Variants in TMC4 observed in about 807,000 individuals in gnomAD.
TMC4 encodes transmembrane channel like 4, also known as voltage-gated chloride channel TMC4.
TMC4 carries 70 observed loss-of-function variants against 82.0 expected under a neutral mutation model. The ratio of observed to expected loss-of-function variants is 0.85; its 90% confidence interval spans 0.70 to 1.04. The LOEUF is 1.04. Ranked by LOEUF, TMC4 falls within the 50% of genes least tolerant of loss-of-function variation. The probability of loss-of-function intolerance (pLI) is 0.00; values close to 1 mark genes in which losing one functional copy is unlikely to be tolerated. For synonymous variants in TMC4, 446 were observed against 406.0 expected (o/e 1.10, Z -1.18); for missense variants, 879 against 899.0 (o/e 0.98, Z 0.28).
Position 54,162,758 on chromosome 19 carries a change from C to T in TMC4, c.1417G>A (p.Val473Ile), listed in dbSNP as rs112014947. 2 of 1,614,012 alleles carry T rather than the reference C, an allele frequency of 1.2e-6. No homozygotes were observed. Among genetic ancestry groups the T allele is most frequent in the Non-Finnish European group, 1.7e-6 (2 of 1,179,934 alleles). ...NYKQLPCWETVLGQEMYKLLL... is the reference protein window; with the variant it reads ...NYKQLPCWETILGQEMYKLLL... ...AGTTTGTACATTTCCTGGCCCAGGA[C>T]AGTCTCCCAGCACTGAAGAAGGAAG... Residue 473 changes from valine (V) to isoleucine (I), a missense_variant, in exon 10 of 15, where the codon GTC becomes ATC. Physicochemically the swap from Val to Ile is conservative, Grantham distance 29. Coordinates refer to ENST00000619895, the MANE Select transcript of TMC4 (RefSeq NM_144686.4).
chr19:54,160,801 C>T, intron 13 of TMC4, 77 bp downstream of exon 13: 1 of 1,557,446 alleles, frequency 6.4e-7, no homozygotes, highest in Non-Finnish European at 8.7e-7. Flanking sequence ...GCCCAAGCCT[C>T]TCCTCTCTTG....
Position 54,162,594 on chromosome 19 carries a change from G to GCGCGGT in TMC4, c.1502+73_1502+78dup, listed in dbSNP as rs1477998655. The GCGCGGT allele has an allele frequency of 5.2e-6, 6 of 1,156,122 alleles. No homozygotes were observed. In the African/African-American group the frequency reaches 7.6e-5, roughly 15 times the overall value. The allele number at this position is 1,156,122 out of a possible 1,614,324, so 71.6% of individuals were successfully genotyped here. On this transcript the variant is annotated intron_variant, in intron 10 of 14. Coordinates refer to ENST00000619895, the MANE Select transcript of TMC4 (RefSeq NM_144686.4). ...GCAGAGGCGGGAATGGTAAAAAGGTGCGCGGTGAAAAGAACAGCGCGATGG... is the reference window on the plus strand; with the variant it reads ...GCAGAGGCGGGAATGGTAAAAAGGTGCGCGGTCGCGGTGAAAAGAACAGCGCGATGG...
At chr19:54,168,722 A>G (rs1600579873) in intron 3 of TMC4, 42 bp from the exon 4 acceptor site, 1 of 1,372,740 alleles carries the variant, frequency 7.3e-7, no homozygotes. Context: ...CCTTCCCGGG[A>G]GCAGGACCAG....
rs66823569 is a variant in TMC4 at position 54,163,977 on chromosome 19, CTTTT to C, written c.1114-94_1114-91del. On this transcript the variant is annotated intron_variant, in intron 7 of 14. Transcript: ENST00000619895. Reference sequence around the variant, plus strand: ...CCCCCGGCCTCTTCTTCTTCTTCTTCTTTTTTTTTTTTTTTGAGACAGAGTCTCG... The same window carrying C: ...CCCCCGGCCTCTTCTTCTTCTTCTTCTTTTTTTTTTTGAGACAGAGTCTCG... 2,803 of 1,019,670 alleles carry C rather than the reference CTTTT, an allele frequency of 2.7e-3. 29 individuals carry two copies. The African/African-American group carries it at 0.036, about 13-fold the overall frequency. 63.2% of individuals were successfully genotyped at this position (1,019,670 alleles called of 1,614,324 possible).
At position 54,163,796 on chromosome 19, in the gene TMC4, G is replaced by A. The variant is rs866030128; in HGVS notation, c.1205C>T (p.Pro402Leu). 24 of 1,613,944 alleles carry A rather than the reference G, an allele frequency of 1.5e-5. No individual in the cohort carries two copies. The East Asian group carries it at 5.1e-4, about 34-fold the overall frequency. The change falls in exon 8 of 15, where the codon CCG (proline) becomes CTG (leucine). Residue 402 changes from proline to leucine, a missense_variant. Pro to Leu is a moderately conservative substitution (Grantham distance 98, BLOSUM62 -3). Transcript: ENST00000619895. Reference protein sequence around the residue: ...IFIAGVNFVLPPVFKLIAPLE... With the variant: ...IFIAGVNFVLLPVFKLIAPLE... ...TGGAGCAATGAGCTTGAACACGGGC[G>A]GCAGCACAAAATTGACCCCAGCGAT...
At position 54,165,070 on chromosome 19, in the gene TMC4, C is replaced by CTT. The variant is rs34861271; in HGVS notation, c.945+347_945+348dup. The stretch of plus-strand genomic sequence containing the variant: ...TTGTGCTTACTTAAAAAAAAACAAA[C>CTT]TTTTTTTTTTTTTTTTTGGTAGAGA... On this transcript the variant is annotated intron_variant, in intron 6 of 14. Coordinates refer to ENST00000619895, the MANE Select transcript of TMC4 (RefSeq NM_144686.4). 6.1e-4 allele frequency among the ~76,000 whole-genome samples: 83 copies of CTT among 136,040 alleles called. 1 individual carries two copies. Among genetic ancestry groups the CTT allele is most frequent in the Non-Finnish European group, 8.0e-4 (51 of 63,956 alleles). The allele number at this position is 136,040 out of a possible 152,430, so 89.2% of individuals were successfully genotyped here.
rs1167711728 is a variant in TMC4, at chr19:54,162,192, C to T, written c.1596G>A (p.Ala532=). The T allele has an allele frequency of 1.9e-6, 3 of 1,613,436 alleles. No homozygotes were observed. The highest frequency in any genetic ancestry group is 1.7e-5 in the Admixed American group (1 of 59,916). The stretch of plus-strand genomic sequence containing the variant: ...AACTCCCCACCCAGACCACCGTCTG[C>T]GCGTAGATGAGCCCCAGCACCTCGT... The part of the protein sequence containing the change: ...VPDEVLGLIY[A]QTVVWVGSFF... Residue 532 remains alanine, a synonymous_variant, in exon 11 of 15, where the codon GCG becomes GCA. Transcript: ENST00000619895.
At chr19:54,162,989 C>G in intron 9 of TMC4, 44 bp downstream of exon 9, 1 of 1,613,948 alleles carries the variant, frequency 6.2e-7, no homozygotes, top group Non-Finnish European at 8.5e-7. Flanking sequence ...TCCATCTTTC[C>G]TTCAGGGACC....
In TMC4 at chr19:54,168,676, C is replaced by G. The variant is rs752551900; in HGVS notation, c.447G>C (p.Gln149His). The G allele has an allele frequency of 2.0e-5, 31 of 1,532,622 alleles. 2 individuals carry two copies. The South Asian group carries it at 3.5e-4, about 17-fold the overall frequency. 94.9% of individuals were successfully genotyped at this position (1,532,622 alleles called of 1,614,324 possible). Residue 149 changes from glutamine to histidine, a missense_variant, in exon 4 of 15, where the codon CAG (glutamine) becomes CAC (histidine). Physicochemically the swap from Gln to His is conservative, Grantham distance 24 (BLOSUM62 0). Transcript: ENST00000619895. ...WAWTLKRIGG[Q>H]FGAGTESYFS... ...AGTAGGACTCCGTGCCGGCGCCAAA[C>G]TGGCCTGCAGGGGGCAGCAGAGAGA...
intron 3 of TMC4, among the ~76,000 whole-genome samples, chr19:54,169,039 C>CT (rs1364229317): frequency 0.61 from 3,932 of 6,484 alleles, 1,582 homozygotes; most frequent in East Asian, 0.76. Context: ...CTTTTCTTTT[C>CT]TTTTTTTTTT....
rs1555824617 is a variant in TMC4 at position 54,168,789 on chromosome 19, T to TTTTC, written c.443-113_443-110dup. 3.3e-5 allele frequency: 9 copies of TTTTC among 275,708 alleles called. 3 individuals carry two copies. Among genetic ancestry groups the TTTTC allele is most frequent in the Middle Eastern group, 8.2e-4 (1 of 1,216 alleles). 17.1% of individuals were successfully genotyped at this position (275,708 alleles called of 1,614,324 possible). A position where few individuals can be genotyped will look rare whatever the true frequency, so the allele number is the denominator to read the frequency against. Reference sequence around the variant, plus strand: ...CGCCTTCCTTTCTTTCTTTCTTTTCTTTTCTTTCTTTTCTTTTCTTTTCTT... The same window carrying TTTTC: ...CGCCTTCCTTTCTTTCTTTCTTTTCTTTTCTTTCTTTCTTTTCTTTTCTTTTCTT... On this transcript the variant is annotated intron_variant, in intron 3 of 14. Coordinates refer to ENST00000619895, the MANE Select transcript of TMC4 (RefSeq NM_144686.4).
intron 2 of TMC4, among the ~76,000 whole-genome samples, chr19:54,170,092 T>A (rs2075848047): frequency 6.6e-6 from 1 of 151,078 alleles, no homozygotes; most frequent in South Asian, 2.1e-4. Flanking sequence ...CGGAGTGAGA[T>A]TCCAAGAAAG....
At position 54,160,420 on chromosome 19, in the gene TMC4, C is replaced by T. The variant is rs775905209; in HGVS notation, c.2053-46G>A. The T allele has an allele frequency of 3.7e-6, 6 of 1,601,652 alleles. No individual in the cohort carries two copies. In the Admixed American group the frequency reaches 1.0e-4, roughly 27 times the overall value. The stretch of plus-strand genomic sequence containing the variant: ...GGTGAGACAATCCTCTTCCCCAACC[C>T]CTTTCCATGTTCCCCAGGGGCCCTC... On this transcript the variant is annotated intron_variant, in intron 14 of 14. Transcript: ENST00000619895.
Position 54,168,912 on chromosome 19 carries a change from T to TTCC in TMC4, c.443-233_443-232insGGA, listed in dbSNP as rs2075800319. On this transcript the variant is annotated intron_variant, in intron 3 of 14. Coordinates refer to ENST00000619895, the MANE Select transcript of TMC4 (RefSeq NM_144686.4). ...CTTTCTTTCCTTTCTTTCTTCTTTC[T>TTCC]TTCCTTCCTTCCTTCCTTCCTTCCT... Among the ~76,000 whole-genome samples, 3 of 11,480 alleles carry TTCC rather than the reference T, an allele frequency of 2.6e-4. 1 individual carries two copies. The highest frequency in any genetic ancestry group is 4.4e-4 in the Non-Finnish European group (3 of 6,832). 7.5% of individuals were successfully genotyped at this position (11,480 alleles called of 152,430 possible). A position where few individuals can be genotyped will look rare whatever the true frequency, so the allele number is the denominator to read the frequency against.
rs765205776 is a variant in TMC4, at chr19:54,171,999, G to A, written c.164C>T (p.Ala55Val). 22 of 1,612,698 alleles carry A rather than the reference G, an allele frequency of 1.4e-5. No individual in the cohort carries two copies. Among genetic ancestry groups the A allele is most frequent in the Admixed American group, 1.7e-5 (1 of 59,870 alleles). The change falls in exon 2 of 15, where the codon GCG becomes GTG. Residue 55 changes from alanine (A) to valine (V), a missense_variant. Physicochemically the swap from Ala to Val is moderately conservative, Grantham distance 64. Transcript: ENST00000619895. ...TCCATCCTCCTCCTCCTCCTCCAGC[G>A]CCCCCCAAGGCAGCACCCCAGGGTC... is the stretch of plus-strand genomic sequence containing the variant. ...YRDPGVLPWGALEEEEEDGGR... is the reference protein window; with the variant it reads ...YRDPGVLPWGVLEEEEEDGGR...
In TMC4 at chr19:54,165,404, G is replaced by A. The variant is rs2075677179; in HGVS notation, c.945+15C>T. The A allele has an allele frequency of 1.3e-6, 2 of 1,584,216 alleles. No individual in the cohort carries two copies. The highest frequency in any genetic ancestry group is 1.1e-5 in the South Asian group (1 of 89,674). Reference sequence around the variant, plus strand: ...TGGTCCCTACCCAGTTGCAGACCCCGCTCCCTAATCGCACCTTTAATTCGT... The same window carrying A: ...TGGTCCCTACCCAGTTGCAGACCCCACTCCCTAATCGCACCTTTAATTCGT... On this transcript the variant is annotated intron_variant, in intron 6 of 14. Coordinates refer to ENST00000619895, the MANE Select transcript of TMC4 (RefSeq NM_144686.4).
At chr19:54,167,123 C>G (rs979557117) in intron 5 of TMC4, among the ~76,000 whole-genome samples, 9 of 152,014 alleles carry the variant, frequency 5.9e-5, no homozygotes, top group Non-Finnish European at 8.8e-5. Flanking sequence ...TTTAGCAAGA[C>G]ATGGTGGTGC....
rs1555824719 is a variant in TMC4 at position 54,168,793 on chromosome 19, C to CTTTTTTTTCT, written c.443-114_443-113insAGAAAAAAAA. The stretch of plus-strand genomic sequence containing the variant: ...TTCCTTTCTTTCTTTCTTTTCTTTT[C>CTTTTTTTTCT]TTTCTTTTCTTTTCTTTTCTTTTCT... On this transcript the variant is annotated intron_variant, in intron 3 of 14. Coordinates refer to ENST00000619895, the MANE Select transcript of TMC4 (RefSeq NM_144686.4). The CTTTTTTTTCT allele has an allele frequency of 2.2e-5, 2 of 90,926 alleles. 1 individual carries two copies. The highest frequency in any genetic ancestry group is 3.7e-4 in the African/African-American group (2 of 5,360). The allele number at this position is 90,926 out of a possible 1,614,324, so 5.6% of individuals were successfully genotyped here. A position where few individuals can be genotyped will look rare whatever the true frequency, so the allele number is the denominator to read the frequency against.
rs757221759 is a variant in TMC4 at position 54,163,167 on chromosome 19, G to T, written c.1278-8C>A. The T allele has an allele frequency of 6.2e-7, 1 of 1,613,610 alleles. No homozygotes were observed. The highest frequency in any genetic ancestry group is 8.5e-7 in the Non-Finnish European group (1 of 1,179,980). ...AGGCGAAGAAACACGGTCCTGAAGGGGGGAAGGCAGAGAATGGGCCCTGAC... is the reference window on the plus strand; with the variant it reads ...AGGCGAAGAAACACGGTCCTGAAGGTGGGAAGGCAGAGAATGGGCCCTGAC... On this transcript the variant is annotated splice_region_variant and splice_polypyrimidine_tract_variant and intron_variant, in intron 8 of 14. Coordinates refer to ENST00000619895, the MANE Select transcript of TMC4 (RefSeq NM_144686.4).
Sources: allele counts gnomAD v4.1 joint callset (sites outside exome capture counted in the v4.1 genomes callset), GRCh38; gene constraint gnomAD v4.1.1; transcripts MANE v1.5; gene names NCBI Gene and HGNC (gene_info 2026-07-23, HGNC 2026-07-21).